The following NCKAP5 variants were observed in gnomAD, a reference collection of about 807,000 sequenced individuals.
The protein encoded by NCKAP5 is NCK associated protein 5, also known as nck-associated protein 5.
Under a neutral mutation model 167.0 loss-of-function variants are expected in NCKAP5, and 92 were observed. That is an observed-to-expected ratio of 0.55 (90% confidence interval 0.47 to 0.66). NCKAP5 has a LOEUF of 0.66. Among genes scored for constraint, NCKAP5 ranks in the 30% least tolerant of loss-of-function variants. NCKAP5 has a pLI of 0.00. For synonymous variants in NCKAP5, 891 were observed against 877.4 expected, an observed-to-expected ratio of 1.02 and a Z score of -0.27; for missense variants, 2,378 against 2,315.0, an observed-to-expected ratio of 1.03 and a Z score of -0.56.
At chr2:133,008,470 A>C (rs2078044445) in intron 6 of NCKAP5, among the ~76,000 whole-genome samples, 2 of 152,204 alleles carry the variant, frequency 1.3e-5, no homozygotes, top group Admixed American at 1.3e-4. Context: ...TTTATAGCAA[A>C]TATCTATAAA....
chr2:133,552,411 A>C (rs1558779017), intron 2 of NCKAP5, among the ~76,000 whole-genome samples: 1 of 143,018 alleles, frequency 7.0e-6, no homozygotes, highest in Non-Finnish European at 1.5e-5. Flanking sequence ...AATACTATGC[A>C]GCCATAAAAA....
intron 8 of NCKAP5, among the ~76,000 whole-genome samples, chr2:132,881,585 A>T (rs1574503762): frequency 1.8e-5 from 2 of 110,902 alleles, no homozygotes; most frequent in Admixed American, 1.1e-4. Flanking sequence ...TTCTGAGTAG[A>T]GGCCAGTTAT....
chr2:132,976,641 G>T (rs376788314), intron 7 of NCKAP5, among the ~76,000 whole-genome samples: 1 of 150,790 alleles, frequency 6.6e-6, no homozygotes, highest in Non-Finnish European at 1.5e-5. Flanking sequence ...CAAAGGCATA[G>T]ATTTTAAGTG....
intron 5 of NCKAP5, among the ~76,000 whole-genome samples, chr2:133,140,865 A>G (rs552005012): frequency 6.6e-5 from 10 of 151,472 alleles, no homozygotes; most frequent in Non-Finnish European, 1.2e-4. Flanking sequence ...AATGTATATT[A>G]TAACCAATAA....
At chr2:133,322,620 T>C (rs1405210602) in intron 3 of NCKAP5, among the ~76,000 whole-genome samples, 1 of 152,132 alleles carries the variant, frequency 6.6e-6, no homozygotes, top group African/African-American at 2.4e-5. Context: ...AGTTGAAAAA[T>C]TATCTTTCTA....
chr2:133,616,338 C>G, the NCKAP5 span, among the ~76,000 whole-genome samples: 1 of 151,696 alleles, frequency 6.6e-6, no homozygotes, highest in Non-Finnish European at 1.5e-5. Flanking sequence ...ACAAAAAACC[C>G]TTCAAAAAAT....
chr2:133,397,333 C>A (rs1687795075), intron 3 of NCKAP5, among the ~76,000 whole-genome samples: 1 of 152,132 alleles, frequency 6.6e-6, no homozygotes, highest in African/African-American at 2.4e-5. Flanking sequence ...ATCGCAAGCT[C>A]TTGGAATGGA....
At chr2:133,030,858 C>T (rs1204046295) in intron 6 of NCKAP5, among the ~76,000 whole-genome samples, 3 of 152,138 alleles carry the variant, frequency 2.0e-5, no homozygotes. Context: ...GGGAACCTAT[C>T]CCTTGTCTCC....
intron 10 of NCKAP5, among the ~76,000 whole-genome samples, chr2:132,862,255 A>C (rs574677232): frequency 1.2e-4 from 18 of 152,220 alleles, no homozygotes; most frequent in Admixed American, 3.9e-4. Context: ...ATGAGCATGC[A>C]TCATCTTATC....
At chr2:133,161,652 G>A (rs1216504779) in intron 5 of NCKAP5, among the ~76,000 whole-genome samples, 1 of 152,104 alleles carries the variant, frequency 6.6e-6, no homozygotes, top group African/African-American at 2.4e-5. Context: ...GCAACCCTTA[G>A]GTGGTCATGC....
intron 5 of NCKAP5, among the ~76,000 whole-genome samples, chr2:133,189,529 TC>T (rs1403248996): frequency 1.3e-5 from 2 of 152,056 alleles, no homozygotes; most frequent in African/African-American, 4.8e-5. Context: ...GATTCAAAAA[TC>T]CTCAAGAAAA....
intron 2 of NCKAP5, among the ~76,000 whole-genome samples, chr2:133,548,101 T>A (rs1313328340): frequency 1.3e-5 from 2 of 148,400 alleles, no homozygotes; most frequent in East Asian, 4.5e-4. Context: ...CAGGAGCCAA[T>A]GCGATCAACT....
intron 12 of NCKAP5, among the ~76,000 whole-genome samples, chr2:132,792,622 C>CAG (rs145270989): frequency 9.2e-5 from 14 of 151,408 alleles, no homozygotes; most frequent in African/African-American, 3.1e-4. Context: ...GTCTACTCTA[C>CAG]AGAGAGAGAG....
At chr2:133,068,975 A>G (rs1023619254) in intron 6 of NCKAP5, among the ~76,000 whole-genome samples, 1 of 152,234 alleles carries the variant, frequency 6.6e-6, no homozygotes, top group Non-Finnish European at 1.5e-5. Context: ...GTTTAAAACC[A>G]GGAATTTATG....
intron 5 of NCKAP5, among the ~76,000 whole-genome samples, chr2:133,130,520 G>A (rs2082563624): frequency 6.6e-6 from 1 of 152,204 alleles, no homozygotes. Flanking sequence ...CCTTGAAAGA[G>A]AAAATTACTA....
At chr2:133,580,517 G>A in the NCKAP5 span, among the ~76,000 whole-genome samples, 1 of 152,142 alleles carries the variant, frequency 6.6e-6, no homozygotes. Flanking sequence ...AATTTGGGGG[G>A]ATGTCTGCCT....
intron 7 of NCKAP5, among the ~76,000 whole-genome samples, chr2:132,981,233 T>C (rs1422624173): frequency 3.9e-5 from 6 of 152,210 alleles, no homozygotes; most frequent in South Asian, 2.1e-4. Context: ...AGTGAAAATA[T>C]AAGCCATCAT....
the NCKAP5 span, among the ~76,000 whole-genome samples, chr2:133,608,800 G>A: frequency 6.6e-6 from 1 of 152,100 alleles, no homozygotes; most frequent in Non-Finnish European, 1.5e-5. Context: ...ACTTTCCTCT[G>A]CACAGATTAT....
At chr2:132,980,825 G>A (rs533131357) in intron 7 of NCKAP5, among the ~76,000 whole-genome samples, 1 of 152,106 alleles carries the variant, frequency 6.6e-6, no homozygotes, top group Non-Finnish European at 1.5e-5. Context: ...AATAACAGTA[G>A]GGTTAGAATA....
Sources: gnomAD v4.1 joint callset for allele counts (sites outside exome capture counted in the v4.1 genomes callset) on GRCh38, gnomAD v4.1.1 for gene constraint, MANE v1.5 for transcripts, NCBI Gene and HGNC (gene_info 2026-07-23, HGNC 2026-07-21) for gene names.